The following AKAP13 variants were observed in gnomAD, a reference collection of about 807,000 sequenced individuals.
AKAP13 encodes A-kinase anchoring protein 13.
Under a neutral mutation model 264.5 loss-of-function variants are expected in AKAP13, and 80 were observed. The ratio of observed to expected loss-of-function variants is 0.30; its 90% CI spans 0.25 to 0.36. AKAP13 has a LOEUF of 0.36. AKAP13 is among the 10% of genes least tolerant of loss of function. AKAP13 has a pLI of 1.00. For synonymous variants in AKAP13, 1,380 were observed against 1,250.2 expected (o/e 1.10, Z -2.19); for missense variants, 3,712 against 3,435.2 (o/e 1.08, Z -2.01).
intron 4 of AKAP13, among the ~76,000 whole-genome samples, chr15:85,542,668 G>C (rs983379431): frequency 6.6e-6 from 1 of 152,166 alleles, no homozygotes; most frequent in African/African-American, 2.4e-5. Context: ...GCCTTGTGGG[G>C]CTATATGTGG....
intron 8 of AKAP13, among the ~76,000 whole-genome samples, chr15:85,611,314 G>A (rs1269373472): frequency 1.3e-5 from 2 of 152,058 alleles, no homozygotes; most frequent in Non-Finnish European, 2.9e-5. Flanking sequence ...AGATATCTCT[G>A]AGATACCATG....
intron 5 of AKAP13, among the ~76,000 whole-genome samples, chr15:85,559,830 T>C (rs1290404290): frequency 1.3e-5 from 2 of 152,142 alleles, no homozygotes; most frequent in East Asian, 3.9e-4. Flanking sequence ...CATAGACTGG[T>C]ACTGGTTTGT....
At chr15:85,540,676 T>C (rs1299349546) in intron 4 of AKAP13, among the ~76,000 whole-genome samples, 1 of 152,206 alleles carries the variant, frequency 6.6e-6, no homozygotes, top group Non-Finnish European at 1.5e-5. Context: ...GATGGAAGCT[T>C]TCATGCTCTT....
At chr15:85,456,955 A>G (rs2074301818) in intron 1 of AKAP13, among the ~76,000 whole-genome samples, 1 of 152,154 alleles carries the variant, frequency 6.6e-6, no homozygotes, top group South Asian at 2.1e-4. Flanking sequence ...AACAGTAATG[A>G]CTATAGTTTA....
intron 1 of AKAP13, among the ~76,000 whole-genome samples, chr15:85,437,497 G>C (rs2073367457): frequency 6.6e-6 from 1 of 151,048 alleles, no homozygotes; most frequent in Admixed American, 6.6e-5. Flanking sequence ...TGATACCAAA[G>C]CCGGGCAGAG....
At chr15:85,715,963 G>A (rs1281042537) in intron 20 of AKAP13, 40 bp downstream of exon 20, 1 of 1,590,292 alleles carries the variant, frequency 6.3e-7, no homozygotes, top group East Asian at 2.3e-5. Flanking sequence ...TTGGCATCTA[G>A]GTGACCAGAG....
At chr15:85,681,807 G>A (rs559177863) in intron 14 of AKAP13, among the ~76,000 whole-genome samples, 13 of 151,986 alleles carry the variant, frequency 8.6e-5, no homozygotes, top group Non-Finnish European at 1.8e-4. Flanking sequence ...TTCCTATGAT[G>A]TCATCTCAGA....
At chr15:85,474,287 C>T (rs1286572375) in intron 1 of AKAP13, among the ~76,000 whole-genome samples, 4 of 152,158 alleles carry the variant, frequency 2.6e-5, no homozygotes, top group African/African-American at 9.7e-5. Context: ...TTCCCTCTGC[C>T]CCACTCCCCA....
Position 85,715,879 on chromosome 15 carries a change from G to T in AKAP13, c.5691G>T (p.Gln1897His), listed in dbSNP as rs1181630672. 1 of 1,613,288 alleles carries T rather than the reference G, an allele frequency of 6.2e-7. No individual in the cohort carries two copies. Among genetic ancestry groups the T allele is most frequent in the Non-Finnish European group, 8.5e-7 (1 of 1,179,856 alleles). Residue 1897 changes from glutamine (Q) to histidine (H), a missense_variant, in exon 20 of 37, where the codon CAG (glutamine) becomes CAT (histidine). Physicochemically the swap from Gln to His is conservative, Grantham distance 24 (BLOSUM62 0). Around this residue, in one of 3 missense-constraint regions of AKAP13, gnomAD observed 2,759 missense variants for 2,411.7 expected, o/e 1.14. Coordinates refer to ENST00000394518, the MANE Select transcript of AKAP13 (RefSeq NM_007200.5). ...TPIFANRRSQQSVSLSKSVSI... is the reference protein window; with the variant it reads ...TPIFANRRSQHSVSLSKSVSI... ...TATTTGCCAATAGACGATCCCAGCA[G>T]AGTGTCTCGCTCTCCAAAAGTGTCT... is the stretch of plus-strand genomic sequence containing the variant.
chr15:85,401,143 C>G (rs867678204), intron 1 of AKAP13, among the ~76,000 whole-genome samples: 2 of 151,922 alleles, frequency 1.3e-5, no homozygotes, highest in East Asian at 1.9e-4. Flanking sequence ...ATTATAGACA[C>G]GAGCCACTGT....
chr15:85,517,073 A>T (rs1386763619), intron 2 of AKAP13, among the ~76,000 whole-genome samples: 1 of 152,016 alleles, frequency 6.6e-6, no homozygotes, highest in Non-Finnish European at 1.5e-5. Flanking sequence ...AACAATGAGC[A>T]CTCATGAGCC....
intron 7 of AKAP13, chr15:85,583,054 CT>C: frequency 1.0e-6 from 1 of 985,498 alleles, no homozygotes; most frequent in Non-Finnish European, 1.2e-6. Flanking sequence ...CGGACACGAT[CT>C]TGGCTCCTGA....
intron 1 of AKAP13, among the ~76,000 whole-genome samples, chr15:85,469,224 A>T (rs2151018802): frequency 6.6e-6 from 1 of 151,212 alleles, no homozygotes; most frequent in East Asian, 1.9e-4. Context: ...CAGGTGTGTA[A>T]ATGTTTAAGA....
At chr15:85,636,600 T>C (rs1166033636) in intron 8 of AKAP13, among the ~76,000 whole-genome samples, 1 of 144,020 alleles carries the variant, frequency 6.9e-6, no homozygotes, top group Non-Finnish European at 1.5e-5. Flanking sequence ...CATGAATAGA[T>C]GTTGAATTTT....
At chr15:85,698,002 A>G (rs11636347) in intron 17 of AKAP13, among the ~76,000 whole-genome samples, 28,120 of 152,242 alleles carry the variant, frequency 0.18, 3,429 homozygotes, top group Middle Eastern at 0.4. Context: ...TTGAATATCA[A>G]TATGAGTCAG....
At chr15:85,660,125 G>C (rs1567180113) in intron 12 of AKAP13, among the ~76,000 whole-genome samples, 1 of 152,120 alleles carries the variant, frequency 6.6e-6, no homozygotes, top group Non-Finnish European at 1.5e-5. Flanking sequence ...GGCTGAGCCA[G>C]ATGGATTGCG....
intron 1 of AKAP13, among the ~76,000 whole-genome samples, chr15:85,456,512 TACC>T: frequency 6.6e-6 from 1 of 151,676 alleles, no homozygotes; most frequent in African/African-American, 2.4e-5. Flanking sequence ...AGAGCAGGGC[TACC>T]CCAAAGGCAG....
chr15:85,494,946 G>C (rs2075830626), intron 2 of AKAP13, among the ~76,000 whole-genome samples: 1 of 152,098 alleles, frequency 6.6e-6, no homozygotes, highest in Admixed American at 6.6e-5. Context: ...TTGGTGGAGT[G>C]AACAGGTGAG....
At chr15:85,702,573 CT>C (rs1031267668) in intron 17 of AKAP13, 1 of 152,212 alleles carries the variant, frequency 6.6e-6, no homozygotes, top group Non-Finnish European at 1.5e-5. Context: ...GAGACAGTGG[CT>C]TCCCATTGTG....
Sources: allele counts gnomAD v4.1 joint callset (sites outside exome capture counted in the v4.1 genomes callset), GRCh38; gene constraint gnomAD v4.1.1; regional missense constraint gnomAD v4.1.1; transcripts MANE v1.5; gene names NCBI Gene and HGNC (gene_info 2026-07-23, HGNC 2026-07-21).